Variants in TMEM181 observed in about 807,000 individuals in gnomAD.
The protein encoded by TMEM181 is G protein-coupled receptor 178.
A neutral mutation model predicts 71.9 loss-of-function variants in TMEM181; 39 were observed. The ratio of observed to expected loss-of-function variants is 0.54; its 90% CI spans 0.42 to 0.71. The LOEUF (loss-of-function observed/expected upper bound fraction) is 0.71, where lower values mean the gene tolerates loss of function less well. TMEM181 is among the 30% of genes least tolerant of loss of function. The pLI, the probability that TMEM181 is intolerant of heterozygous loss-of-function variation, is 0.00. For synonymous variants in TMEM181, 245 were observed against 228.8 expected (o/e 1.07, Z -0.64); for missense variants, 595 against 583.0 (o/e 1.02, Z -0.21).
chr6:158,604,722 T>G (rs1250311029), intron 6 of TMEM181, among the ~76,000 whole-genome samples: 1 of 152,236 alleles, frequency 6.6e-6, no homozygotes, highest in African/African-American at 2.4e-5. Context: ...TTTTAAAACT[T>G]TCTTTTGATG....
chr6:158,571,474 A>AT (rs1473970450), intron 1 of TMEM181, among the ~76,000 whole-genome samples: 5 of 118,068 alleles, frequency 4.2e-5, no homozygotes, highest in South Asian at 2.6e-4. Flanking sequence ...TAATTTTTGT[A>AT]TTTTTAGTAG....
intron 1 of TMEM181, among the ~76,000 whole-genome samples, chr6:158,569,408 A>G (rs775153991): frequency 1.3e-5 from 2 of 152,240 alleles, no homozygotes; most frequent in African/African-American, 2.4e-5. Flanking sequence ...CTTGCTTAAG[A>G]AGACAGATTA....
intron 6 of TMEM181, 37 bp from the exon 7 acceptor site, chr6:158,605,230 A>AT (rs767749647): frequency 1.9e-6 from 3 of 1,551,506 alleles, no homozygotes; most frequent in South Asian, 2.2e-5. Context: ...ATGCATATAT[A>AT]TTTTTTTCAA....
At chr6:158,598,445 C>T (rs1209908559) in intron 6 of TMEM181, among the ~76,000 whole-genome samples, 1 of 152,048 alleles carries the variant, frequency 6.6e-6, no homozygotes, top group Non-Finnish European at 1.5e-5. Flanking sequence ...CCTGAGGCTG[C>T]CCTGCAGTTT....
chr6:158,581,731 G>A (rs1357374883), intron 3 of TMEM181, among the ~76,000 whole-genome samples: 1 of 121,430 alleles, frequency 8.2e-6, no homozygotes, highest in African/African-American at 3.3e-5. Flanking sequence ...TCCAGCCTGG[G>A]TGACAGAGTG....
chr6:158,540,189 A>G (rs9456319), intron 1 of TMEM181, among the ~76,000 whole-genome samples: 4,448 of 151,768 alleles, frequency 0.029, 228 homozygotes, highest in African/African-American at 0.1. Flanking sequence ...CTTGAAGTCT[A>G]CAGAAAACTC....
exon 1 of TMEM181, chr6:158,536,805 G>C: frequency 6.4e-7 from 1 of 1,560,082 alleles, no homozygotes; most frequent in South Asian, 1.1e-5. Flanking sequence ...CGGCGGCTGC[G>C]GGAAGCGTAC....
chr6:158,628,238 GTGTGCATGTGTGCATCTGTGCGTGCATC>G (rs1562316591), intron 13 of TMEM181, 142 bp from the exon 14 acceptor site: 1 of 715,566 alleles, frequency 1.4e-6, no homozygotes, highest in South Asian at 1.5e-5. Context: ...CTGTGTGTGT[GTGTGCATGTGTGCATCTGTGCGTGCATC>G]TGTGCATGTG....
At position 158,632,709 on chromosome 6, in the gene TMEM181, T is replaced by C. The variant is rs529222756; in HGVS notation, c.*821T>C. On this transcript the variant is annotated 3_prime_UTR_variant, in exon 17 of 17. Coordinates refer to ENST00000684151, the MANE Select transcript of TMEM181 (RefSeq NM_001376852.1). ...GAGGAACCCTTACCATTCCAGTAAA[T>C]AGCAGTTTCTGCAATTCTGTTGAAT... is the stretch of plus-strand genomic sequence containing the variant. The C allele has an allele frequency of 2.6e-5, 4 of 152,350 alleles. No homozygotes were observed. The highest frequency in any genetic ancestry group is 9.6e-5 in the African/African-American group (4 of 41,590). 9.4% of individuals were successfully genotyped at this position (152,350 alleles called of 1,614,324 possible).
At chr6:158,566,300 TCA>T (rs1343554016) in intron 1 of TMEM181, among the ~76,000 whole-genome samples, 1 of 152,024 alleles carries the variant, frequency 6.6e-6, no homozygotes, top group African/African-American at 2.4e-5. Context: ...AGGCCATTGT[TCA>T]TACCTGCATC....
intron 4 of TMEM181, 45 bp from the exon 5 acceptor site, chr6:158,585,259 A>G (rs779262272): frequency 1.7e-5 from 26 of 1,533,680 alleles, no homozygotes; most frequent in Admixed American, 6.2e-5. Context: ...TGTAGGTGTG[A>G]TGTGCCTGGC....
chr6:158,576,699 A>T (rs1175677480), intron 2 of TMEM181, among the ~76,000 whole-genome samples: 1 of 151,712 alleles, frequency 6.6e-6, no homozygotes, highest in Non-Finnish European at 1.5e-5. Flanking sequence ...ATAACAGCAA[A>T]CTCTGAGGAA....
At chr6:158,605,142 GT>G in intron 6 of TMEM181, 124 bp from the exon 7 acceptor site, 5 of 557,234 alleles carry the variant, frequency 9.0e-6, no homozygotes, top group Non-Finnish European at 9.5e-6. Flanking sequence ...GTGTGTGTGT[GT>G]GTGTGTGTGT....
intron 10 of TMEM181, among the ~76,000 whole-genome samples, chr6:158,618,341 C>A (rs1785741327): frequency 7.0e-6 from 1 of 143,046 alleles, no homozygotes; most frequent in African/African-American, 2.7e-5. Flanking sequence ...TTTCCATTTG[C>A]TTGGTAGATA....
intron 7 of TMEM181, among the ~76,000 whole-genome samples, chr6:158,606,680 CCTT>C (rs1404323277): frequency 6.6e-6 from 1 of 152,242 alleles, no homozygotes; most frequent in Non-Finnish European, 1.5e-5. Flanking sequence ...GCCTAACACA[CCTT>C]CTTCAGGGAG....
chr6:158,541,643 C>T (rs1475852147), intron 1 of TMEM181, among the ~76,000 whole-genome samples: 2 of 152,216 alleles, frequency 1.3e-5, no homozygotes, highest in Admixed American at 6.5e-5. Context: ...ACCGTCCTTT[C>T]TGCTTTGACA....
chr6:158,589,459 A>G (rs1446211956), intron 5 of TMEM181, among the ~76,000 whole-genome samples: 1 of 152,208 alleles, frequency 6.6e-6, no homozygotes, highest in Non-Finnish European at 1.5e-5. Flanking sequence ...TAATTGGTGT[A>G]AATCATATAT....
chr6:158,577,590 A>G (rs993293884), intron 2 of TMEM181, among the ~76,000 whole-genome samples: 1 of 152,224 alleles, frequency 6.6e-6, no homozygotes, highest in East Asian at 1.9e-4. Flanking sequence ...TAAACATCCA[A>G]GAAGCTCAAC....
chr6:158,581,741 G>A (rs1414748171), intron 3 of TMEM181, among the ~76,000 whole-genome samples: 1 of 104,844 alleles, frequency 9.5e-6, no homozygotes, highest in Admixed American at 1.3e-4. Flanking sequence ...GTGACAGAGT[G>A]AGACTCTGTC....
Sources: gnomAD v4.1 joint callset for allele counts (sites outside exome capture counted in the v4.1 genomes callset) on GRCh38, gnomAD v4.1.1 for gene constraint, MANE v1.5 for transcripts, NCBI Gene and HGNC (gene_info 2026-07-23, HGNC 2026-07-21) for gene names.